XRCC5: variants seen among roughly 807,000 people sequenced by gnomAD.
XRCC5 encodes the protein X-ray repair cross complementing 5, also known as DNA repair protein Ku80.
A neutral mutation model predicts 95.7 loss-of-function variants in XRCC5; 12 were observed. The ratio of observed to expected loss-of-function variants is 0.13; its 90% CI spans 0.08 to 0.20. XRCC5 has a LOEUF of 0.20. XRCC5 is among the 10% of genes least tolerant of loss of function. The pLI is 1.00. For synonymous variants in XRCC5, 281 were observed against 290.3 expected, an observed-to-expected ratio of 0.97 and a Z score of 0.33; for missense variants, 595 against 873.9, an observed-to-expected ratio of 0.68 and a Z score of 4.02.
In XRCC5 at chr2:216,192,738, A is replaced by G. The variant is rs779822215; in HGVS notation, c.2041+3A>G. The stretch of plus-strand genomic sequence containing the variant: ...TTTCTGGGAAATTGTTGTCCAGGGT[A>G]AGTTGTCATTTGCCTTTTTTTTTAA... On this transcript the variant is annotated splice_donor_region_variant and intron_variant, in intron 18 of 20. Coordinates refer to ENST00000392132, the MANE Select transcript of XRCC5 (RefSeq NM_021141.4). 2 of 1,566,096 alleles carry G rather than the reference A, an allele frequency of 1.3e-6. No individual in the cohort carries two copies. Among genetic ancestry groups the G allele is most frequent in the Non-Finnish European group, 1.7e-6 (2 of 1,159,398 alleles).
chr2:216,156,347 T>A, intron 14 of XRCC5: 1 of 691,406 alleles, frequency 1.4e-6, no homozygotes, highest in Non-Finnish European at 2.7e-6. Flanking sequence ...TCTGAAACAG[T>A]CTCTTCTGCT....
At chr2:216,147,864 C>G (rs529181197) in intron 13 of XRCC5, among the ~76,000 whole-genome samples, 1 of 152,172 alleles carries the variant, frequency 6.6e-6, no homozygotes, top group African/African-American at 2.4e-5. Flanking sequence ...GCAGAAGATA[C>G]TGTTGCTAGG....
chr2:216,185,153 A>G (rs746749565), intron 16 of XRCC5, among the ~76,000 whole-genome samples: 5 of 152,176 alleles, frequency 3.3e-5, no homozygotes, highest in Non-Finnish European at 7.3e-5. Context: ...AAGGGATGCT[A>G]AGGGTTTCTT....
rs551052963 is a variant in XRCC5, at chr2:216,110,117, T to C, written c.21+660T>C. On this transcript the variant is annotated intron_variant, in intron 1 of 20. Transcript: ENST00000392132. Reference sequence around the variant, plus strand: ...CCGAGGAATAAAGAACTGTGGGCTTTTCCTGGTGAAATCCGGATTTGAATC... The same window carrying C: ...CCGAGGAATAAAGAACTGTGGGCTTCTCCTGGTGAAATCCGGATTTGAATC... 2.5e-4 allele frequency among the ~76,000 whole-genome samples: 38 copies of C among 152,330 alleles called. No individual in the cohort carries two copies. In the South Asian group the frequency reaches 7.7e-3, roughly 31 times the overall value.
chr2:216,175,457 G>A, intron 16 of XRCC5: 3 of 515,258 alleles, frequency 5.8e-6, no homozygotes, highest in Non-Finnish European at 1.2e-5. Context: ...TCACTTTACA[G>A]TTGTGCTTGT....
chr2:216,130,445 G>T (rs1696978001), intron 8 of XRCC5, among the ~76,000 whole-genome samples: 1 of 151,894 alleles, frequency 6.6e-6, no homozygotes, highest in Non-Finnish European at 1.5e-5. Context: ...AGAACATTTT[G>T]TTCTGAAAAT....
chr2:216,192,586 T>G, intron 17 of XRCC5, 53 bp from the exon 18 acceptor site: 1 of 1,331,874 alleles, frequency 7.5e-7, no homozygotes, highest in Non-Finnish European at 1.0e-6. Context: ...GGTGAATTTG[T>G]TTTTGTGTTT....
intron 19 of XRCC5, among the ~76,000 whole-genome samples, chr2:216,198,528 A>G (rs1472453683): frequency 1.4e-5 from 2 of 146,056 alleles, no homozygotes; most frequent in African/African-American, 5.1e-5. Context: ...TTGTATGAAA[A>G]ATGCTTTTAT....
intron 14 of XRCC5, among the ~76,000 whole-genome samples, chr2:216,159,327 A>G (rs566390642): frequency 6.6e-6 from 1 of 152,296 alleles, no homozygotes; most frequent in Admixed American, 6.5e-5. Context: ...TTTTGCAATT[A>G]ACTTGACCTC....
chr2:216,188,135 G>A (rs1006931451), intron 16 of XRCC5, among the ~76,000 whole-genome samples: 1 of 152,008 alleles, frequency 6.6e-6, no homozygotes, highest in African/African-American at 2.4e-5. Context: ...AACACAGCTT[G>A]TGCTTTCTTC....
In XRCC5 at chr2:216,122,164, C is replaced by T. The variant is rs567940968; in HGVS notation, c.594C>T (p.Thr198=). ...CTTCCTTTCCACTAAAAGGAATTACCGAACAGCAAAAAGAAGGTCTTGAGA... is the reference window on the plus strand; with the variant it reads ...CTTCCTTTCCACTAAAAGGAATTACTGAACAGCAAAAAGAAGGTCTTGAGA... The part of the protein sequence containing the change: ...HGPSFPLKGI[T]EQQKEGLEIV... Residue 198 remains threonine (T), a synonymous_variant, in exon 6 of 21, where the codon ACC becomes ACT. Coordinates refer to ENST00000392132, the MANE Select transcript of XRCC5 (RefSeq NM_021141.4). The T allele has an allele frequency of 8.7e-6, 14 of 1,613,996 alleles. No individual in the cohort carries two copies. The East Asian group carries it at 1.1e-4, about 13-fold the overall frequency.
At chr2:216,204,445 A>T (rs755845339) in intron 20 of XRCC5, 49 bp downstream of exon 20, 8 of 1,597,556 alleles carry the variant, frequency 5.0e-6, no homozygotes, top group Non-Finnish European at 6.0e-6. Flanking sequence ...AAGTCACCTG[A>T]GCTGTAAATA....
At chr2:216,125,829 C>T in intron 6 of XRCC5, 88 bp from the exon 7 acceptor site, 2 of 1,057,822 alleles carry the variant, frequency 1.9e-6, no homozygotes, top group South Asian at 1.4e-5. Flanking sequence ...CATTAGCTCA[C>T]TTCTCATTGT....
At position 216,110,538 on chromosome 2, in the gene XRCC5, C is replaced by T. The variant is rs550934851; in HGVS notation, c.21+1081C>T. On this transcript the variant is annotated intron_variant, in intron 1 of 20. Coordinates refer to ENST00000392132, the MANE Select transcript of XRCC5 (RefSeq NM_021141.4). ...TGAACTGGAAGTAAAATTCTAACAG[C>T]CTGTATTGCTTCGGTATAGAAATGA... 3.9e-5 allele frequency: 6 copies of T among 152,300 alleles called. No homozygotes were observed. The South Asian group carries it at 6.2e-4, about 16-fold the overall frequency. 9.4% of individuals were successfully genotyped at this position (152,300 alleles called of 1,614,324 possible). A position where few individuals can be genotyped will look rare whatever the true frequency, so the allele number is the denominator to read the frequency against.
chr2:216,197,008 A>G (rs565542012), intron 19 of XRCC5, among the ~76,000 whole-genome samples: 2 of 152,306 alleles, frequency 1.3e-5, no homozygotes, highest in East Asian at 3.9e-4. Flanking sequence ...GAGTTTTTGG[A>G]AGAAGTGAGG....
intron 16 of XRCC5, among the ~76,000 whole-genome samples, chr2:216,166,199 C>T (rs1689051352): frequency 6.6e-6 from 1 of 152,156 alleles, no homozygotes; most frequent in South Asian, 2.1e-4. Flanking sequence ...CAGCTCACTG[C>T]AGCCTCTACC....
intron 16 of XRCC5, among the ~76,000 whole-genome samples, chr2:216,171,935 AATTATAGAG>A (rs1689173067): frequency 6.6e-6 from 1 of 152,176 alleles, no homozygotes; most frequent in Non-Finnish European, 1.5e-5. Flanking sequence ...ATCTTTTGTA[AATTATAGAG>A]TTGTGAAATT....
chr2:216,135,558 G>C (rs1697061436), intron 10 of XRCC5, among the ~76,000 whole-genome samples: 1 of 152,178 alleles, frequency 6.6e-6, no homozygotes, highest in Admixed American at 6.5e-5. Context: ...AGCACTTTGA[G>C]AGGCCAAGGT....
At chr2:216,112,050 A>T (rs1052225988) in intron 1 of XRCC5, among the ~76,000 whole-genome samples, 1 of 152,244 alleles carries the variant, frequency 6.6e-6, no homozygotes, top group African/African-American at 2.4e-5. Context: ...CACGTTGTTG[A>T]TTGATTTTAT....
Sources: gnomAD v4.1 joint callset for allele counts (sites outside exome capture counted in the v4.1 genomes callset) on GRCh38, gnomAD v4.1.1 for gene constraint, MANE v1.5 for transcripts, NCBI Gene and HGNC (gene_info 2026-07-23, HGNC 2026-07-21) for gene names.